Variants in FBN2 observed in about 807,000 individuals in gnomAD.
FBN2 encodes fibrillin 2, also known as fibrillin-2.
FBN2 carries 105 observed loss-of-function variants against 355.6 expected under a neutral mutation model. That is an observed-to-expected ratio of 0.30 (90% CI 0.25 to 0.35). The LOEUF (loss-of-function observed/expected upper bound fraction) is 0.35, where lower values mean the gene tolerates loss of function less well. Ranked by LOEUF, FBN2 falls within the 10% of genes least tolerant of loss-of-function variation. The pLI, the probability that FBN2 is intolerant of heterozygous loss-of-function variation, is 1.00. For missense variants in FBN2, 3,280 were observed against 3,758.7 expected, an observed-to-expected ratio of 0.87 and a Z score of 3.33; for synonymous variants, 1,350 against 1,301.2, an observed-to-expected ratio of 1.04 and a Z score of -0.81.
intron 52 of FBN2, 82 bp downstream of exon 52, chr5:128,289,045 C>T (rs1749242304): frequency 6.9e-7 from 1 of 1,440,114 alleles, no homozygotes; most frequent in Non-Finnish European, 9.8e-7. Flanking sequence ...CCCCCATCAC[C>T]CAGGGTACCT....
chr5:128,349,198 A>C (rs1751277412), intron 23 of FBN2, 149 bp downstream of exon 23: 1 of 900,356 alleles, frequency 1.1e-6, no homozygotes, highest in Admixed American at 2.0e-5. Context: ...TTCACTTTTA[A>C]AACAGCCTCT....
intron 64 of FBN2, among the ~76,000 whole-genome samples, chr5:128,260,619 C>T (rs1482857426): frequency 1.3e-5 from 2 of 152,220 alleles, no homozygotes; most frequent in Admixed American, 6.5e-5. Context: ...AGCAGAACTT[C>T]TGGATTTGTA....
intron 31 of FBN2, 71 bp downstream of exon 31, chr5:128,334,648 C>T (rs569547644): frequency 2.2e-5 from 34 of 1,542,424 alleles, no homozygotes; most frequent in South Asian, 6.7e-5. Context: ...TGCCAGAGAA[C>T]AAATGATGTT....
intron 11 of FBN2, among the ~76,000 whole-genome samples, chr5:128,383,133 C>G (rs1752277338): frequency 1.3e-5 from 2 of 152,100 alleles, no homozygotes; most frequent in Non-Finnish European, 2.9e-5. Context: ...AGGGGGAACA[C>G]TGGCAGGATG....
intron 11 of FBN2, among the ~76,000 whole-genome samples, chr5:128,385,377 G>C (rs1461439823): frequency 6.6e-6 from 1 of 152,106 alleles, no homozygotes; most frequent in Non-Finnish European, 1.5e-5. Context: ...TTGTTGCAAA[G>C]CACATGGTCT....
At chr5:128,479,970 CTCTCTCTATATATATA>C (rs1212801252) in intron 5 of FBN2, among the ~76,000 whole-genome samples, 41 of 24,286 alleles carry the variant, frequency 1.7e-3, no homozygotes, top group African/African-American at 6.1e-3. Context: ...CTCTCTCTCT[CTCTCTCTATATATATA>C]TATATATATA....
intron 30 of FBN2, 89 bp from the exon 31 acceptor site, chr5:128,334,933 A>T: frequency 7.8e-7 from 1 of 1,281,602 alleles, no homozygotes; most frequent in Non-Finnish European, 1.1e-6. Context: ...ATACTGAAAT[A>T]CACAGGCAAG....
Position 128,503,078 on chromosome 5 carries a change from C to T in FBN2, c.628+16195G>A, listed in dbSNP as rs542442490. On this transcript the variant is annotated intron_variant, in intron 5 of 64. Transcript: ENST00000262464. ...GGTGGAGATAACTGAATCACAGGGACAGTTTCCCCCATACTGTTCTCATGG... is the reference window on the plus strand; with the variant it reads ...GGTGGAGATAACTGAATCACAGGGATAGTTTCCCCCATACTGTTCTCATGG... 5.6e-5 allele frequency among the ~76,000 whole-genome samples: 6 copies of T among 106,504 alleles called. No homozygotes were observed. In the South Asian group the frequency reaches 1.3e-3, roughly 24 times the overall value. 69.9% of individuals were successfully genotyped at this position (106,504 alleles called of 152,430 possible). A position where few individuals can be genotyped will look rare whatever the true frequency, so the allele number is the denominator to read the frequency against.
intron 7 of FBN2, chr5:128,445,978 G>T (rs1210093306): frequency 6.5e-6 from 1 of 153,840 alleles, no homozygotes; most frequent in Non-Finnish European, 1.4e-5. Context: ...TGAGATATTT[G>T]TAGTGGTAAT....
Position 128,352,508 on chromosome 5 carries a change from A to G in FBN2, c.2675-1503T>C, listed in dbSNP as rs7712449. Among the ~76,000 whole-genome samples, 1,487 of 152,352 alleles carry G rather than the reference A, an allele frequency of 9.8e-3. 22 individuals carry two copies. Among genetic ancestry groups the G allele is most frequent in the African/African-American group, 0.034 (1,401 of 41,578 alleles). ...GCATAATGAAAAGTTTTTCAAATGA[A>G]CAAATAATAAATGACTGTTAACTGA... On this transcript the variant is annotated intron_variant, in intron 20 of 64. Coordinates refer to ENST00000262464, the MANE Select transcript of FBN2 (RefSeq NM_001999.4).
At chr5:128,490,613 G>A (rs1755474381) in intron 5 of FBN2, among the ~76,000 whole-genome samples, 1 of 151,946 alleles carries the variant, frequency 6.6e-6, no homozygotes, top group South Asian at 2.1e-4. Context: ...TGTCCCCAAG[G>A]GACACATATT....
At chr5:128,494,972 C>T (rs1479101293) in intron 5 of FBN2, among the ~76,000 whole-genome samples, 1 of 152,062 alleles carries the variant, frequency 6.6e-6, no homozygotes, top group Non-Finnish European at 1.5e-5. Context: ...CAGGACCAGC[C>T]TTAACAGACA....
chr5:128,430,520 A>C (rs1294408887), intron 7 of FBN2, among the ~76,000 whole-genome samples: 1 of 152,174 alleles, frequency 6.6e-6, no homozygotes, highest in African/African-American at 2.4e-5. Flanking sequence ...GTAGTTGCTT[A>C]TATGTTTTCT....
intron 55 of FBN2, among the ~76,000 whole-genome samples, chr5:128,283,057 T>C (rs1399013074): frequency 6.6e-6 from 1 of 152,208 alleles, no homozygotes; most frequent in Non-Finnish European, 1.5e-5. Context: ...CACTGGGCTA[T>C]GCCCTCACTT....
intron 5 of FBN2, among the ~76,000 whole-genome samples, chr5:128,513,645 G>A (rs902334477): frequency 2.6e-5 from 4 of 152,156 alleles, no homozygotes; most frequent in Non-Finnish European, 5.9e-5. Flanking sequence ...CTTAAATTAA[G>A]GATTAAGAAG....
intron 36 of FBN2, 44 bp from the exon 37 acceptor site, chr5:128,312,839 G>A (rs753762772): frequency 4.0e-5 from 64 of 1,603,470 alleles, no homozygotes; most frequent in Non-Finnish European, 5.3e-5. Context: ...TGCTTACATA[G>A]TAAGGACTCC....
chr5:128,500,687 G>A (rs879570986), intron 5 of FBN2, among the ~76,000 whole-genome samples: 5 of 151,668 alleles, frequency 3.3e-5, no homozygotes, highest in African/African-American at 7.3e-5. Flanking sequence ...CTCGTGATCC[G>A]CCTGCCTCGG....
intron 55 of FBN2, among the ~76,000 whole-genome samples, chr5:128,284,593 T>C (rs980203772): frequency 2.0e-5 from 3 of 152,128 alleles, no homozygotes; most frequent in African/African-American, 7.2e-5. Flanking sequence ...TAATGTGTAG[T>C]TTCAATTCAT....
chr5:128,529,634 G>GT (rs1756653741), intron 3 of FBN2, among the ~76,000 whole-genome samples: 2 of 152,278 alleles, frequency 1.3e-5, no homozygotes, highest in East Asian at 3.9e-4. Context: ...CCAGCATTGT[G>GT]TTTTTTGCCA....
Sources: allele counts gnomAD v4.1 joint callset (sites outside exome capture counted in the v4.1 genomes callset), GRCh38; gene constraint gnomAD v4.1.1; transcripts MANE v1.5; gene names NCBI Gene and HGNC (gene_info 2026-07-23, HGNC 2026-07-21).